The following METTL15 variants were observed in gnomAD, a reference collection of about 807,000 sequenced individuals.
METTL15 encodes the protein methyltransferase 15, mitochondrial 12S rRNA N4-cytidine.
Under a neutral mutation model 38.3 loss-of-function variants are expected in METTL15, and 34 were observed. The observed-to-expected ratio is 0.89, with a 90% CI of 0.68 to 1.18. The LOEUF is 1.18. Ranked by LOEUF, METTL15 falls within the 50% of genes most tolerant of loss-of-function variation. The probability of loss-of-function intolerance (pLI) is 0.00; values close to 1 mark genes in which losing one functional copy is unlikely to be tolerated. For missense variants in METTL15, 438 were observed against 498.4 expected, an observed-to-expected ratio of 0.88 and a Z score of 1.15; for synonymous variants, 162 against 170.9, an observed-to-expected ratio of 0.95 and a Z score of 0.41.
At chr11:28,501,293 C>T (rs1031661116) in intron 6 of METTL15, among the ~76,000 whole-genome samples, 1 of 152,166 alleles carries the variant, frequency 6.6e-6, no homozygotes, top group African/African-American at 2.4e-5. Context: ...GAGATTTCTG[C>T]TCCCTCTTTC....
chr11:28,514,281 A>C (rs573596646), intron 6 of METTL15, among the ~76,000 whole-genome samples: 1 of 152,306 alleles, frequency 6.6e-6, no homozygotes, highest in Admixed American at 6.5e-5. Flanking sequence ...AGAACCTGGG[A>C]CTATTTTATC....
At chr11:28,351,396 G>C (rs1037477807) in intron 3 of METTL15, among the ~76,000 whole-genome samples, 1 of 152,106 alleles carries the variant, frequency 6.6e-6, no homozygotes, top group South Asian at 2.1e-4. Context: ...GATTATAGGC[G>C]TGAGCCACTG....
intron 3 of METTL15, among the ~76,000 whole-genome samples, chr11:28,186,200 G>T (rs1220292421): frequency 4.0e-5 from 6 of 151,048 alleles, no homozygotes; most frequent in African/African-American, 1.5e-4. Flanking sequence ...ACTGTATTTT[G>T]CTTAAATAGA....
At chr11:28,168,187 T>G (rs1242882906) in intron 3 of METTL15, among the ~76,000 whole-genome samples, 3 of 152,258 alleles carry the variant, frequency 2.0e-5, no homozygotes, top group Admixed American at 6.5e-5. Context: ...ACTTCTATAT[T>G]CAGGCATGGA....
At position 28,310,997 on chromosome 11, in the gene METTL15, TGTGTGTGA is replaced by T. The variant is rs1273814115; in HGVS notation, c.778+14068_778+14075del. On this transcript the variant is annotated intron_variant, in intron 6 of 6. Transcript: ENST00000407364. ...GTGTGTGTGTGTGTGTGTGTGTGTG[TGTGTGTGA>T]GAGAGAGAGAGAGAGAGAGGAAGAG... Among the ~76,000 whole-genome samples, 154 of 145,968 alleles carry T rather than the reference TGTGTGTGA, an allele frequency of 1.1e-3. 2 individuals are homozygous for T. Among genetic ancestry groups the T allele is most frequent in the African/African-American group, 3.9e-3 (148 of 38,056 alleles).
chr11:28,478,369 G>A (rs1454825575), intron 6 of METTL15, among the ~76,000 whole-genome samples: 2 of 152,244 alleles, frequency 1.3e-5, no homozygotes, highest in East Asian at 1.9e-4. Context: ...ATGATTTCGT[G>A]CCTTTAAATT....
At chr11:28,202,229 T>A (rs1214603017) in intron 3 of METTL15, among the ~76,000 whole-genome samples, 2 of 151,944 alleles carry the variant, frequency 1.3e-5, no homozygotes, top group Non-Finnish European at 2.9e-5. Flanking sequence ...GTGGAAATAT[T>A]CAAGACATGG....
At chr11:28,518,343 T>C (rs1048366365) in intron 6 of METTL15, among the ~76,000 whole-genome samples, 2 of 152,148 alleles carry the variant, frequency 1.3e-5, no homozygotes, top group Non-Finnish European at 2.9e-5. Context: ...CAGCCCTTAA[T>C]AGGAGTGCCT....
chr11:28,330,483 G>T lies in METTL15; in HGVS notation c.866G>T (p.Arg289Leu), dbSNP rs1170095535. Residue 289 changes from arginine to leucine, a missense_variant, in exon 7 of 7, where the codon CGC becomes CTC. Arg to Leu is a moderately radical substitution (Grantham distance 102, BLOSUM62 -2). Coordinates refer to ENST00000407364, the MANE Select transcript of METTL15 (RefSeq NM_001113528.2). Reference protein sequence around the residue: ...HIATKTFQALRIFVNNELNEL... With the variant: ...HIATKTFQALLIFVNNELNEL... ...GCCACCAAGACTTTCCAGGCTCTTC[G>T]CATATTTGTGAACAATGAGCTCAAT... is the stretch of plus-strand genomic sequence containing the variant. The T allele has an allele frequency of 1.9e-6, 3 of 1,551,246 alleles. No individual in the cohort carries two copies. The highest frequency in any genetic ancestry group is 1.4e-5 in the African/African-American group (1 of 73,082).
intron 4 of METTL15, among the ~76,000 whole-genome samples, chr11:28,354,316 G>A (rs1850071169): frequency 6.6e-6 from 1 of 152,094 alleles, no homozygotes; most frequent in African/African-American, 2.4e-5. Context: ...TCCCAACCTG[G>A]TGTTACCAAG....
intron 3 of METTL15, among the ~76,000 whole-genome samples, chr11:28,171,214 GAGAA>G (rs1431532562): frequency 1.3e-5 from 2 of 152,108 alleles, no homozygotes; most frequent in African/African-American, 4.8e-5. Flanking sequence ...TTTAAAATGA[GAGAA>G]AGATAAATAA....
intron 3 of METTL15, among the ~76,000 whole-genome samples, chr11:28,149,151 T>G (rs1849990032): frequency 6.6e-6 from 1 of 151,952 alleles, no homozygotes; most frequent in Non-Finnish European, 1.5e-5. Context: ...GCTTGGTACT[T>G]TATCATCACA....
At chr11:28,114,392 A>G (rs1386790564) in intron 3 of METTL15, among the ~76,000 whole-genome samples, 1 of 152,122 alleles carries the variant, frequency 6.6e-6, no homozygotes, top group African/African-American at 2.4e-5. Context: ...ATGAGCATTT[A>G]TATTGTTTCT....
chr11:28,465,226 T>A (rs1461135090), intron 6 of METTL15, among the ~76,000 whole-genome samples: 1 of 152,176 alleles, frequency 6.6e-6, no homozygotes, highest in Non-Finnish European at 1.5e-5. Flanking sequence ...TTTCTTTTAC[T>A]TCCTTGGTAC....
At position 28,391,447 on chromosome 11, in the gene METTL15, G is replaced by T. The variant is rs553268614; in HGVS notation, c.*358+29411G>T. On this transcript the variant is annotated intron_variant and NMD_transcript_variant, in intron 5 of 7. Transcript: ENST00000532947. ...GAGAGTTTTTAGCATGAAGCATTGT[G>T]GAATTTTGTCAAAGACCTTTTCTGC... Among the ~76,000 whole-genome samples, 10 of 152,060 alleles carry T rather than the reference G, an allele frequency of 6.6e-5. No homozygotes were observed. In the South Asian group the frequency reaches 1.9e-3, roughly 28 times the overall value.
At chr11:28,520,464 G>C (rs1851756051) in intron 6 of METTL15, among the ~76,000 whole-genome samples, 1 of 152,192 alleles carries the variant, frequency 6.6e-6, no homozygotes, top group Non-Finnish European at 1.5e-5. Context: ...AAAGGCATCT[G>C]GAGCCCATGC....
intron 3 of METTL15, among the ~76,000 whole-genome samples, chr11:28,183,963 A>G (rs1226496651): frequency 1.3e-5 from 2 of 151,926 alleles, no homozygotes; most frequent in Admixed American, 6.6e-5. Context: ...CAGGGATTCA[A>G]CTTCTTCGTG....
chr11:28,150,853 T>C (rs1363787795), intron 3 of METTL15, among the ~76,000 whole-genome samples: 2 of 151,690 alleles, frequency 1.3e-5, no homozygotes, highest in Non-Finnish European at 2.9e-5. Context: ...AACCTGAAAC[T>C]GTTCCAGCCT....
At chr11:28,453,859 G>T (rs7105555) in intron 6 of METTL15, among the ~76,000 whole-genome samples, 64,440 of 152,038 alleles carry the variant, frequency 0.42, 15,038 homozygotes, top group Admixed American at 0.54. Flanking sequence ...AATCTGTTTG[G>T]TTGGTTGGTT....
Sources: gnomAD v4.1 joint callset for allele counts (sites outside exome capture counted in the v4.1 genomes callset) on GRCh38, gnomAD v4.1.1 for gene constraint, MANE v1.5 for transcripts, NCBI Gene and HGNC (gene_info 2026-07-23, HGNC 2026-07-21) for gene names.